The following EPHA6 variants were observed in gnomAD, a reference collection of about 807,000 sequenced individuals.
EPHA6 encodes EPH receptor A6, also known as ephrin type-A receptor 6.
In EPHA6, 50 loss-of-function variants were observed where a neutral mutation model predicts 112.0. That is an observed-to-expected ratio of 0.45 (90% confidence interval 0.36 to 0.56). The LOEUF is 0.56. Ranked by LOEUF, EPHA6 falls within the 20% of genes least tolerant of loss-of-function variation. The probability of loss-of-function intolerance (pLI) is 0.00; values close to 1 mark genes in which losing one functional copy is unlikely to be tolerated. For synonymous variants in EPHA6, 529 were observed against 490.7 expected (o/e 1.08, Z -1.03); for missense variants, 1,280 against 1,417.4 (o/e 0.90, Z 1.56).
rs150805161 is a variant in EPHA6, at chr3:97,721,904, T to G, written c.2934+1494T>G. On this transcript the variant is annotated intron_variant, in intron 15 of 17. Transcript: ENST00000389672. ...TGGGGATTTTGTTTGTTTGTTTGTT[T>G]TAACCAGTTACCTTAGGTAGTAAAA... Among the ~76,000 whole-genome samples, 46 of 152,328 alleles carry G rather than the reference T, an allele frequency of 3.0e-4. No homozygotes were observed. In the East Asian group the frequency reaches 8.5e-3, roughly 28 times the overall value.
chr3:97,071,391 G>T (rs1323316763), intron 3 of EPHA6, among the ~76,000 whole-genome samples: 2 of 151,844 alleles, frequency 1.3e-5, no homozygotes, highest in Admixed American at 6.6e-5. Context: ...TTTTTATGCT[G>T]CTGATAAAGA....
At chr3:96,990,764 C>A (rs1413106081) in intron 3 of EPHA6, among the ~76,000 whole-genome samples, 1 of 151,904 alleles carries the variant, frequency 6.6e-6, no homozygotes, top group African/African-American at 2.4e-5. Context: ...CCTTTCTTTC[C>A]TCTGATGAGA....
At chr3:96,905,734 C>T (rs577206559) in intron 2 of EPHA6, among the ~76,000 whole-genome samples, 1 of 151,626 alleles carries the variant, frequency 6.6e-6, no homozygotes, top group African/African-American at 2.4e-5. Context: ...TTTTAGGAAT[C>T]ACCAAGAGTG....
intron 5 of EPHA6, among the ~76,000 whole-genome samples, chr3:97,313,256 G>GTA (rs909756094): frequency 1.7e-4 from 25 of 151,430 alleles, no homozygotes; most frequent in African/African-American, 6.0e-4. Flanking sequence ...GTATTCCATT[G>GTA]TATATATACC....
chr3:97,004,927 G>A (rs1224242871), intron 3 of EPHA6, among the ~76,000 whole-genome samples: 6 of 152,108 alleles, frequency 3.9e-5, no homozygotes, highest in African/African-American at 1.2e-4. Flanking sequence ...GGTTGTAGAT[G>A]TGTGGTGTTA....
intron 14 of EPHA6, among the ~76,000 whole-genome samples, chr3:97,658,607 G>T (rs1281125072): frequency 6.6e-6 from 1 of 151,860 alleles, no homozygotes; most frequent in African/African-American, 2.4e-5. Context: ...GGTTTTGCTT[G>T]AACTCCAATA....
intron 1 of EPHA6, among the ~76,000 whole-genome samples, chr3:96,821,442 A>G (rs1402856408): frequency 6.6e-6 from 1 of 151,910 alleles, no homozygotes; most frequent in African/African-American, 2.4e-5. Context: ...AATAAACTAT[A>G]TAACTTCTTA....
intron 5 of EPHA6, among the ~76,000 whole-genome samples, chr3:97,270,325 T>C (rs2079836886): frequency 6.6e-6 from 1 of 152,206 alleles, no homozygotes; most frequent in African/African-American, 2.4e-5. Flanking sequence ...AATATGTTGG[T>C]AAAGAATCTC....
chr3:97,659,243 A>C (rs2094154830), intron 14 of EPHA6, among the ~76,000 whole-genome samples: 1 of 152,008 alleles, frequency 6.6e-6, no homozygotes, highest in African/African-American at 2.4e-5. Context: ...TAAAATTAGA[A>C]AAAGGAATTA....
At chr3:97,174,707 C>G (rs1423992471) in intron 3 of EPHA6, among the ~76,000 whole-genome samples, 1 of 151,812 alleles carries the variant, frequency 6.6e-6, no homozygotes, top group Non-Finnish European at 1.5e-5. Flanking sequence ...TAAGAAATGT[C>G]TATTCAAATA....
At chr3:97,344,851 T>C (rs1189845070) in intron 5 of EPHA6, among the ~76,000 whole-genome samples, 2 of 151,932 alleles carry the variant, frequency 1.3e-5, no homozygotes, top group African/African-American at 4.8e-5. Flanking sequence ...ATCAATTCTA[T>C]AGAATCTGAG....
At chr3:97,089,789 G>A (rs377308598) in intron 3 of EPHA6, among the ~76,000 whole-genome samples, 38 of 150,940 alleles carry the variant, frequency 2.5e-4, no homozygotes, top group African/African-American at 8.4e-4. Flanking sequence ...AGAGCATTTG[G>A]TAAGCCCATC....
At chr3:96,894,932 C>A (rs1390292219) in intron 2 of EPHA6, among the ~76,000 whole-genome samples, 3 of 152,162 alleles carry the variant, frequency 2.0e-5, no homozygotes, top group Non-Finnish European at 4.4e-5. Context: ...GAAACATGGA[C>A]CCCCAACACC....
chr3:97,036,451 TTAAAAACTGAGCTGTG>T (rs1203102320), intron 3 of EPHA6, among the ~76,000 whole-genome samples: 1 of 152,048 alleles, frequency 6.6e-6, no homozygotes, highest in Non-Finnish European at 1.5e-5. Flanking sequence ...AAAATCATTA[TTAAAAACTGAGCTGTG>T]AGTGTTTTTT....
chr3:97,687,446 TG>T (rs748214873), intron 14 of EPHA6, among the ~76,000 whole-genome samples: 7 of 152,136 alleles, frequency 4.6e-5, no homozygotes, highest in Non-Finnish European at 7.3e-5. Flanking sequence ...GGAAGCAAGG[TG>T]TTTTTTTTCA....
intron 3 of EPHA6, among the ~76,000 whole-genome samples, chr3:97,144,987 G>A (rs184968572): frequency 7.6e-4 from 115 of 151,042 alleles, no homozygotes; most frequent in African/African-American, 2.6e-3. Context: ...CTATCAATGC[G>A]CTCCTATTTT....
intron 11 of EPHA6, among the ~76,000 whole-genome samples, chr3:97,550,324 G>A (rs978432856): frequency 5.3e-5 from 8 of 152,242 alleles, no homozygotes; most frequent in South Asian, 2.1e-4. Context: ...ATGCCCTCTT[G>A]AATTGCTATG....
chr3:96,952,851 C>T (rs937890749), intron 2 of EPHA6, among the ~76,000 whole-genome samples: 2 of 151,858 alleles, frequency 1.3e-5, no homozygotes, highest in Admixed American at 1.3e-4. Context: ...TGTAGTATGC[C>T]ACAGTGTCTG....
rs188355129 is a variant in EPHA6 at position 96,950,561 on chromosome 3, A to T, written c.451-36769A>T. Among the ~76,000 whole-genome samples, 13 of 152,306 alleles carry T rather than the reference A, an allele frequency of 8.5e-5. No individual in the cohort carries two copies. In the East Asian group the frequency reaches 2.5e-3, roughly 29 times the overall value. ...TGGATTTTTAAAGTTGAACCAATGA[A>T]ACAATTAAGCAATGGAAGTTGAAGA... On this transcript the variant is annotated intron_variant, in intron 2 of 17. Coordinates refer to ENST00000389672, the MANE Select transcript of EPHA6 (RefSeq NM_001080448.3).
Sources: allele counts gnomAD v4.1 joint callset (sites outside exome capture counted in the v4.1 genomes callset), GRCh38; gene constraint gnomAD v4.1.1; transcripts MANE v1.5; gene names NCBI Gene and HGNC (gene_info 2026-07-23, HGNC 2026-07-21).